The following NOTCH2NLC variants were observed in gnomAD, a reference collection of about 807,000 sequenced individuals.
NOTCH2NLC encodes the protein notch 2 N-terminal like C, also known as notch homolog 2 N-terminal-like protein C.
NOTCH2NLC carries 4 observed loss-of-function variants against 17.7 expected under a neutral mutation model. The ratio of observed to expected loss-of-function variants is 0.23; its 90% CI spans 0.11 to 0.52. NOTCH2NLC has a LOEUF of 0.52. NOTCH2NLC is among the 20% of genes least tolerant of loss of function. NOTCH2NLC has a pLI of 0.96. For missense variants in NOTCH2NLC, 57 were observed against 207.2 expected, an observed-to-expected ratio of 0.28 and a Z score of 4.45; for synonymous variants, 18 against 86.0, an observed-to-expected ratio of 0.21 and a Z score of 4.38.
intron 1 of NOTCH2NLC, among the ~76,000 whole-genome samples, chr1:149,396,796 GT>G (rs1337081163): frequency 9.1e-5 from 12 of 132,468 alleles, no homozygotes; most frequent in Non-Finnish European, 1.8e-4. Context: ...GGGAATTTGT[GT>G]GTTCAAGAAA....
At chr1:149,393,470 T>A (rs1230845162) in intron 1 of NOTCH2NLC, among the ~76,000 whole-genome samples, 1 of 148,290 alleles carries the variant, frequency 6.7e-6, no homozygotes, top group Non-Finnish European at 1.5e-5. Flanking sequence ...TGAGTGCTCC[T>A]GTGTTTGGCT....
At chr1:149,399,989 AGTT>A (rs1481051213) in intron 1 of NOTCH2NLC, among the ~76,000 whole-genome samples, 1 of 149,768 alleles carries the variant, frequency 6.7e-6, no homozygotes, top group Non-Finnish European at 1.5e-5. Context: ...TTGAAAAAGT[AGTT>A]AAGGATGTTT....
At chr1:149,410,802 A>AT (rs1448129194) in intron 1 of NOTCH2NLC, among the ~76,000 whole-genome samples, 1 of 148,328 alleles carries the variant, frequency 6.7e-6, no homozygotes, top group Non-Finnish European at 1.5e-5. Flanking sequence ...ATGTGCTTAG[A>AT]TAAAAGATCA....
At chr1:149,443,528 G>T (rs1570915370) in intron 2 of NOTCH2NLC, among the ~76,000 whole-genome samples, 3 of 150,136 alleles carry the variant, frequency 2.0e-5, no homozygotes, top group African/African-American at 7.3e-5. Context: ...CAGGCTCAGG[G>T]TTATAAGAAC....
intron 2 of NOTCH2NLC, among the ~76,000 whole-genome samples, chr1:149,448,595 A>G (rs1363842676): frequency 3.3e-5 from 5 of 149,894 alleles, no homozygotes; most frequent in East Asian, 2.0e-4. Context: ...GAGTCGGAGC[A>G]TTATTCTTTC....
At chr1:149,428,455 T>C (rs1460648001) in intron 1 of NOTCH2NLC, among the ~76,000 whole-genome samples, 1 of 150,986 alleles carries the variant, frequency 6.6e-6, no homozygotes, top group East Asian at 1.9e-4. Flanking sequence ...ATTTGCTAGA[T>C]TGATTGCTAC....
chr1:149,430,357 T>C (rs1453263986), intron 1 of NOTCH2NLC, among the ~76,000 whole-genome samples: 9 of 129,966 alleles, frequency 6.9e-5, no homozygotes, highest in Non-Finnish European at 3.3e-5. Context: ...AAGCTAGAGA[T>C]TATGTTTATT....
chr1:149,444,849 C>T (rs1177207388), intron 2 of NOTCH2NLC, among the ~76,000 whole-genome samples: 2 of 144,410 alleles, frequency 1.4e-5, no homozygotes, highest in Non-Finnish European at 3.1e-5. Flanking sequence ...TTACCACAAG[C>T]GTCCCAGTTC....
intron 1 of NOTCH2NLC, among the ~76,000 whole-genome samples, chr1:149,411,967 T>A (rs2084300289): frequency 9.1e-6 from 1 of 109,300 alleles, no homozygotes; most frequent in African/African-American, 3.6e-5. Flanking sequence ...AATAAAAAAA[T>A]TAGCCAGGAG....
intron 1 of NOTCH2NLC, among the ~76,000 whole-genome samples, chr1:149,409,327 CAT>C (rs1491105152): frequency 2.8e-5 from 4 of 142,536 alleles, no homozygotes; most frequent in South Asian, 2.2e-4. Flanking sequence ...TGTGTGTGTG[CAT>C]GTGTGTGTGT....
intron 2 of NOTCH2NLC, among the ~76,000 whole-genome samples, chr1:149,436,843 A>C (rs1324039566): frequency 8.0e-6 from 1 of 125,176 alleles, no homozygotes; most frequent in Non-Finnish European, 1.7e-5. Context: ...TAGTTCATTT[A>C]TCTTTTTAAC....
At position 149,424,084 on chromosome 1, in the gene NOTCH2NLC, T is replaced by C. The variant is rs1414891153; in HGVS notation, c.136-6858T>C. 8.6e-5 allele frequency among the ~76,000 whole-genome samples: 13 copies of C among 151,370 alleles called. No homozygotes were observed. The South Asian group carries it at 2.7e-3, about 32-fold the overall frequency. ...TGCCTAGAGGAAATTTTAAGGAAGA[T>C]TCCATCAAGTCTGGATACCTTAGCC... On this transcript the variant is annotated intron_variant, in intron 1 of 4. Transcript: ENST00000650865.
chr1:149,390,783 T>C lies in NOTCH2NLC; in HGVS notation c.-5T>C, dbSNP rs1428041233. The C allele has an allele frequency of 4.9e-5, 34 of 690,036 alleles. 1 individual carries two copies. Among genetic ancestry groups the C allele is most frequent in the African/African-American group, 8.2e-5 (2 of 24,350 alleles). 42.7% of individuals were successfully genotyped at this position (690,036 alleles called of 1,614,324 possible). A position where few individuals can be genotyped will look rare whatever the true frequency, so the allele number is the denominator to read the frequency against. ...GTGGGGCTCCTCTATCGGGACCCCCTCCCCATGTGGATCTGCCCAGGCGGC... is the reference window on the plus strand; with the variant it reads ...GTGGGGCTCCTCTATCGGGACCCCCCCCCCATGTGGATCTGCCCAGGCGGC... On this transcript the variant is annotated 5_prime_UTR_variant, in exon 1 of 5. Transcript: ENST00000650865.
intron 1 of NOTCH2NLC, among the ~76,000 whole-genome samples, chr1:149,395,604 G>C (rs1411042650): frequency 1.1e-4 from 17 of 149,262 alleles, no homozygotes; most frequent in African/African-American, 4.2e-4. Context: ...TACTAGGCCA[G>C]CAATTTCTGT....
chr1:149,461,570 T>C (rs2084650107), intron 3 of NOTCH2NLC, among the ~76,000 whole-genome samples: 1 of 151,254 alleles, frequency 6.6e-6, no homozygotes, highest in African/African-American at 2.4e-5. Flanking sequence ...ATTTAGATAC[T>C]TTCCTAGACA....
At position 149,471,673 on chromosome 1, in the gene NOTCH2NLC, T is replaced by C. The variant is rs1280309176; in HGVS notation, c.*7520T>C. Reference sequence around the variant, plus strand: ...ATAGGTACAGGCATGCTTTTTGGCATTATGAAAATATTCTGGAATTAGGTA... The same window carrying C: ...ATAGGTACAGGCATGCTTTTTGGCACTATGAAAATATTCTGGAATTAGGTA... On this transcript the variant is annotated 3_prime_UTR_variant, in exon 5 of 5. Transcript: ENST00000650865. Among the ~76,000 whole-genome samples the C allele has an allele frequency of 1.3e-5, 2 of 149,994 alleles. No homozygotes were observed. Among genetic ancestry groups the C allele is most frequent in the Non-Finnish European group, 3.0e-5 (2 of 67,234 alleles).
intron 1 of NOTCH2NLC, among the ~76,000 whole-genome samples, chr1:149,409,328 A>ATGTGTGTG (rs1196474216): frequency 2.8e-5 from 4 of 143,668 alleles, no homozygotes; most frequent in African/African-American, 7.9e-5. Flanking sequence ...GTGTGTGTGC[A>ATGTGTGTG]TGTGTGTGTG....
At chr1:149,439,968 A>C (rs1385920973) in intron 2 of NOTCH2NLC, among the ~76,000 whole-genome samples, 1 of 149,270 alleles carries the variant, frequency 6.7e-6, no homozygotes, top group Non-Finnish European at 1.5e-5. Context: ...GAAAATAAAG[A>C]CTAAGAAAGG....
At chr1:149,462,833 A>ATTTTTTTTT in intron 3 of NOTCH2NLC, among the ~76,000 whole-genome samples, 1 of 117,092 alleles carries the variant, frequency 8.5e-6, no homozygotes, top group African/African-American at 3.2e-5. Context: ...CGGGAAGTTG[A>ATTTTTTTTT]TTTTTTTTTT....
Sources: gnomAD v4.1 joint callset for allele counts (sites outside exome capture counted in the v4.1 genomes callset) on GRCh38, gnomAD v4.1.1 for gene constraint, MANE v1.5 for transcripts, NCBI Gene and HGNC (gene_info 2026-07-23, HGNC 2026-07-21) for gene names.